The following AGBL1 variants were observed in gnomAD, a reference collection of about 807,000 sequenced individuals.
The protein encoded by AGBL1 is AGBL carboxypeptidase 1, also known as cytosolic carboxypeptidase 4.
In AGBL1, 130 loss-of-function variants were observed where a neutral mutation model predicts 118.9. The ratio of observed to expected loss-of-function variants is 1.09; its 90% CI spans 0.95 to 1.26. The LOEUF (loss-of-function observed/expected upper bound fraction) is 1.26, where lower values mean the gene tolerates loss of function less well. Among genes scored for constraint, AGBL1 ranks in the 50% most tolerant of loss-of-function variants. The pLI is 0.00. For synonymous variants in AGBL1, 555 were observed against 478.9 expected (o/e 1.16, Z -2.08); for missense variants, 1,584 against 1,298.1 (o/e 1.22, Z -3.38).
chr15:87,027,169 A>G (rs1045711942), intron 24 of AGBL1, among the ~76,000 whole-genome samples: 1 of 152,088 alleles, frequency 6.6e-6, no homozygotes, highest in African/African-American at 2.4e-5. Context: ...TGTGGCTAAC[A>G]TATGAAAAAT....
chr15:86,673,009 C>G (rs1274257083), intron 21 of AGBL1, among the ~76,000 whole-genome samples: 1 of 152,160 alleles, frequency 6.6e-6, no homozygotes, highest in African/African-American at 2.4e-5. Context: ...AGCAATCCTT[C>G]TGCATTCTTA....
chr15:86,479,009 C>G (rs1224794550), intron 18 of AGBL1, among the ~76,000 whole-genome samples: 1 of 152,144 alleles, frequency 6.6e-6, no homozygotes, highest in Admixed American at 6.6e-5. Context: ...ATAAATGGTG[C>G]TGGGAAAACT....
At chr15:86,298,246 AATATAT>A (rs59968237) in intron 17 of AGBL1, among the ~76,000 whole-genome samples, 2,885 of 69,742 alleles carry the variant, frequency 0.041, 198 homozygotes, top group African/African-American at 0.1. Context: ...GTCTGTGTAT[AATATAT>A]ATATATATAT....
chr15:86,506,751 G>T (rs945647371), intron 18 of AGBL1, among the ~76,000 whole-genome samples: 3 of 152,004 alleles, frequency 2.0e-5, no homozygotes, highest in Non-Finnish European at 4.4e-5. Context: ...TAGAGGGAGG[G>T]GAGAGGTAGC....
At chr15:86,858,463 GGTGTGTGTGTGTGT>G (rs3059715) in intron 22 of AGBL1, among the ~76,000 whole-genome samples, 5 of 147,090 alleles carry the variant, frequency 3.4e-5, no homozygotes, top group Admixed American at 1.4e-4. Flanking sequence ...CCTTTCAGGT[GGTGTGTGTGTGTGT>G]GTGTGTGTGT....
chr15:86,842,387 C>G (rs551354663), intron 22 of AGBL1, among the ~76,000 whole-genome samples: 30 of 152,312 alleles, frequency 2.0e-4, no homozygotes, highest in Admixed American at 1.3e-4. Context: ...TTGAAACCTG[C>G]TCTGTGATAT....
intron 22 of AGBL1, among the ~76,000 whole-genome samples, chr15:86,751,993 C>T (rs73445227): frequency 0.019 from 2,947 of 152,152 alleles, 103 homozygotes; most frequent in African/African-American, 0.063. Flanking sequence ...CTGGAATGAT[C>T]TTTAGTAGGG....
At chr15:86,857,921 C>A (rs2079506135) in intron 22 of AGBL1, among the ~76,000 whole-genome samples, 1 of 152,212 alleles carries the variant, frequency 6.6e-6, no homozygotes, top group Admixed American at 6.5e-5. Flanking sequence ...ACAACTGAGT[C>A]TTTTCTTTCA....
intron 23 of AGBL1, among the ~76,000 whole-genome samples, chr15:86,924,027 C>T (rs140946294): frequency 7.9e-5 from 12 of 152,272 alleles, no homozygotes; most frequent in South Asian, 4.1e-4. Flanking sequence ...TCCATAAATA[C>T]GTGTCAATTA....
At chr15:86,448,846 CAAAAG>C (rs1347518847) in intron 18 of AGBL1, among the ~76,000 whole-genome samples, 3 of 149,882 alleles carry the variant, frequency 2.0e-5, no homozygotes, top group African/African-American at 4.9e-5. Flanking sequence ...AAATTTAACT[CAAAAG>C]AAAAAAAAAG....
At chr15:86,266,274 T>A (rs2079069617) in intron 11 of AGBL1, 100 bp from the exon 12 acceptor site, 1 of 757,974 alleles carries the variant, frequency 1.3e-6, no homozygotes, top group Admixed American at 2.9e-5. Flanking sequence ...TGCTTTCATA[T>A]TTTTCTGGTG....
chr15:86,795,645 C>T (rs905553577), intron 22 of AGBL1, among the ~76,000 whole-genome samples: 4 of 149,972 alleles, frequency 2.7e-5, no homozygotes, highest in Non-Finnish European at 1.5e-5. Context: ...AGTGCAATGG[C>T]GCGATCTCAG....
Position 86,914,352 on chromosome 15 carries a change from T to C in AGBL1, c.*7058T>C, listed in dbSNP as rs2080392769. The C allele has an allele frequency of 6.6e-6, 1 of 152,168 alleles. No homozygotes were observed. The highest frequency in any genetic ancestry group is 1.5e-5 in the Non-Finnish European group (1 of 68,036). 9.4% of individuals were successfully genotyped at this position (152,168 alleles called of 1,614,324 possible). ...ATCACATAAGTGACTCATTTCACTC[T>C]CAGTACCAGCTCTGTGGGATAAATG... On this transcript the variant is annotated 3_prime_UTR_variant, in exon 23 of 23. Transcript: ENST00000614907.
chr15:86,178,451 C>T (rs1046542241), intron 5 of AGBL1, among the ~76,000 whole-genome samples: 14 of 152,254 alleles, frequency 9.2e-5, no homozygotes, highest in Admixed American at 1.3e-4. Flanking sequence ...GGAAATACTA[C>T]GAACAACTTT....
At chr15:86,897,723 T>A (rs2080148701) in intron 22 of AGBL1, among the ~76,000 whole-genome samples, 1 of 151,710 alleles carries the variant, frequency 6.6e-6, no homozygotes, top group African/African-American at 2.4e-5. Flanking sequence ...ATCACCTTTT[T>A]TTTTCTTGAA....
At chr15:86,635,522 C>T (rs2085068739) in intron 21 of AGBL1, among the ~76,000 whole-genome samples, 1 of 151,716 alleles carries the variant, frequency 6.6e-6, no homozygotes, top group Non-Finnish European at 1.5e-5. Context: ...ATGTAACAGA[C>T]TCAGCTCAAC....
At chr15:86,726,507 A>G (rs1264491739) in intron 22 of AGBL1, among the ~76,000 whole-genome samples, 2 of 152,186 alleles carry the variant, frequency 1.3e-5, no homozygotes, top group African/African-American at 2.4e-5. Flanking sequence ...ATTGAGCAAG[A>G]TAATATGCAT....
At chr15:86,548,639 A>G (rs536330061) in intron 20 of AGBL1, among the ~76,000 whole-genome samples, 34 of 146,748 alleles carry the variant, frequency 2.3e-4, no homozygotes, top group Admixed American at 5.5e-4. Context: ...CAACAGAAGG[A>G]TAGCCACACA....
intron 21 of AGBL1, among the ~76,000 whole-genome samples, chr15:86,599,018 A>G (rs2084451103): frequency 6.6e-6 from 1 of 152,078 alleles, no homozygotes; most frequent in South Asian, 2.1e-4. Flanking sequence ...GTTGAAATAG[A>G]TTATTAACTT....
Sources: gnomAD v4.1 joint callset for allele counts (sites outside exome capture counted in the v4.1 genomes callset) on GRCh38, gnomAD v4.1.1 for gene constraint, MANE v1.5 for transcripts, NCBI Gene and HGNC (gene_info 2026-07-23, HGNC 2026-07-21) for gene names.